CLASP2: variants seen among roughly 807,000 people sequenced by gnomAD.
CLASP2 encodes CLIP-associating protein 2.
CLASP2 carries 47 observed loss-of-function variants against 194.4 expected under a neutral mutation model. The ratio of observed to expected loss-of-function variants is 0.24; its 90% CI spans 0.19 to 0.31. The LOEUF (loss-of-function observed/expected upper bound fraction) is 0.31. CLASP2 is among the 10% of genes least tolerant of loss of function. The probability of loss-of-function intolerance (pLI) is 1.00; values close to 1 mark genes in which losing one functional copy is unlikely to be tolerated. For synonymous variants in CLASP2, 619 were observed against 633.5 expected (o/e 0.98, Z 0.34); for missense variants, 1,445 against 1,823.6 (o/e 0.79, Z 3.78).
chr3:33,513,313 C>A (rs186450868), intron 36 of CLASP2, among the ~76,000 whole-genome samples: 28 of 152,222 alleles, frequency 1.8e-4, no homozygotes, highest in Admixed American at 1.4e-3. Context: ...CCAAGCCAGG[C>A]AGATCACTTG....
At chr3:33,516,283 C>T (rs1387437579) in intron 35 of CLASP2, 132 bp from the exon 36 acceptor site, 13 of 624,762 alleles carry the variant, frequency 2.1e-5, no homozygotes, top group Non-Finnish European at 2.9e-5. Context: ...ATGCGGTATA[C>T]TATGTAATTA....
At chr3:33,672,810 G>T (rs965990959) in intron 6 of CLASP2, among the ~76,000 whole-genome samples, 3 of 152,204 alleles carry the variant, frequency 2.0e-5, no homozygotes, top group African/African-American at 7.2e-5. Context: ...AGCCTCAGGA[G>T]CTGATGCGAT....
chr3:33,561,872 A>G (rs893960000), intron 27 of CLASP2, among the ~76,000 whole-genome samples: 3 of 152,192 alleles, frequency 2.0e-5, no homozygotes, highest in African/African-American at 7.2e-5. Context: ...TGGACAAATC[A>G]TAATAAACAT....
At chr3:33,669,002 A>G (rs2086678325) in intron 6 of CLASP2, among the ~76,000 whole-genome samples, 1 of 152,222 alleles carries the variant, frequency 6.6e-6, no homozygotes, top group South Asian at 2.1e-4. Flanking sequence ...CTATGAAGTT[A>G]ATTCTGATAA....
intron 6 of CLASP2, among the ~76,000 whole-genome samples, chr3:33,670,824 G>A (rs548660128): frequency 7.2e-5 from 11 of 152,328 alleles, no homozygotes; most frequent in African/African-American, 2.6e-4. Context: ...ACCTCCAGGA[G>A]TTCAACTTGG....
intron 23 of CLASP2, among the ~76,000 whole-genome samples, 156 bp downstream of exon 23, chr3:33,581,665 T>A (rs1256533123): frequency 6.6e-6 from 1 of 152,232 alleles, no homozygotes; most frequent in African/African-American, 2.4e-5. Flanking sequence ...CAAAGGAATT[T>A]CCCAAACATG....
intron 8 of CLASP2, among the ~76,000 whole-genome samples, chr3:33,634,283 C>T (rs1461914382): frequency 2.6e-5 from 4 of 152,068 alleles, no homozygotes; most frequent in South Asian, 2.1e-4. Flanking sequence ...AAATTAGATG[C>T]GCATTTTAAT....
intron 6 of CLASP2, among the ~76,000 whole-genome samples, chr3:33,669,474 CAAGTCACA>C (rs2086761910): frequency 1.3e-5 from 2 of 151,406 alleles, no homozygotes; most frequent in South Asian, 4.2e-4. Flanking sequence ...AGTACAAAAG[CAAGTCACA>C]GAGTGAGAGA....
At chr3:33,648,705 T>C (rs2082685542) in intron 7 of CLASP2, among the ~76,000 whole-genome samples, 1 of 152,180 alleles carries the variant, frequency 6.6e-6, no homozygotes, top group Non-Finnish European at 1.5e-5. Context: ...TTTTTCTAAA[T>C]AACTATGAAA....
At chr3:33,563,477 C>T (rs1560047268) in intron 27 of CLASP2, among the ~76,000 whole-genome samples, 1 of 152,208 alleles carries the variant, frequency 6.6e-6, no homozygotes, top group Non-Finnish European at 1.5e-5. Context: ...GTCTGGATTT[C>T]TGTAGTAGCC....
chr3:33,499,352 C>CT (rs11446264), intron 38 of CLASP2, among the ~76,000 whole-genome samples: 63,772 of 136,984 alleles, frequency 0.47, 15,795 homozygotes, highest in African/African-American at 0.64. Flanking sequence ...TAGGGCAGTT[C>CT]TTTTTTTTTT....
intron 1 of CLASP2, among the ~76,000 whole-genome samples, chr3:33,702,948 C>T (rs2092470038): frequency 6.6e-6 from 1 of 152,068 alleles, no homozygotes; most frequent in South Asian, 2.1e-4. Flanking sequence ...AGACCTTATG[C>T]CCTTCACCAA....
chr3:33,617,857 A>G (rs192034457), intron 12 of CLASP2, among the ~76,000 whole-genome samples: 2 of 150,918 alleles, frequency 1.3e-5, no homozygotes, highest in African/African-American at 4.8e-5. Context: ...AAAAGACAAT[A>G]TTGGCAAAGG....
intron 11 of CLASP2, among the ~76,000 whole-genome samples, chr3:33,620,206 G>A (rs1185534063): frequency 5.9e-5 from 9 of 151,948 alleles, no homozygotes; most frequent in African/African-American, 7.3e-5. Flanking sequence ...ATAGTATCAC[G>A]CCTTTTTTAG....
chr3:33,529,057 G>A (rs2055430597), intron 34 of CLASP2, among the ~76,000 whole-genome samples: 1 of 152,000 alleles, frequency 6.6e-6, no homozygotes, highest in Non-Finnish European at 1.5e-5. Context: ...AAATCAGAAA[G>A]GCAATCCCAT....
In CLASP2 at chr3:33,597,820, T is replaced by C. The variant is rs77863431; in HGVS notation, c.1925-1086A>G. Among the ~76,000 whole-genome samples the C allele has an allele frequency of 1.5e-3, 224 of 151,030 alleles. 1 individual carries two copies. The highest frequency in any genetic ancestry group is 2.4e-3 in the Non-Finnish European group (166 of 67,780). ...CAGGCTGGAGTGCAATGGCACAATCTCATCTCACTGCAGCCTCCACCTCCC... is the reference window on the plus strand; with the variant it reads ...CAGGCTGGAGTGCAATGGCACAATCCCATCTCACTGCAGCCTCCACCTCCC... On this transcript the variant is annotated intron_variant, in intron 18 of 38. Transcript: ENST00000682230.
chr3:33,619,556 A>T, intron 12 of CLASP2, 47 bp downstream of exon 12: 2 of 1,411,852 alleles, frequency 1.4e-6, no homozygotes, highest in South Asian at 2.7e-5. Flanking sequence ...AGAAGAAACA[A>T]AAGTGGGGGG....
intron 7 of CLASP2, among the ~76,000 whole-genome samples, chr3:33,660,688 G>C (rs1035099312): frequency 1.3e-5 from 2 of 152,132 alleles, no homozygotes; most frequent in African/African-American, 4.8e-5. Flanking sequence ...GCCATTTTTG[G>C]ACAGACCCAA....
chr3:33,615,462 T>TA (rs1000573643), intron 12 of CLASP2, among the ~76,000 whole-genome samples: 43 of 147,134 alleles, frequency 2.9e-4, no homozygotes, highest in African/African-American at 9.2e-4. Flanking sequence ...ATGATAATAG[T>TA]AAAAAAACCT....
Sources: gnomAD v4.1 joint callset for allele counts (sites outside exome capture counted in the v4.1 genomes callset) on GRCh38, gnomAD v4.1.1 for gene constraint, MANE v1.5 for transcripts, NCBI Gene and HGNC (gene_info 2026-07-23, HGNC 2026-07-21) for gene names.